Variants in C6orf132 observed in about 807,000 individuals in gnomAD.
C6orf132 encodes the protein chromosome 6 open reading frame 132, also known as uncharacterized protein C6orf132.
In C6orf132, 43 loss-of-function variants were observed where a neutral mutation model predicts 65.3. The ratio of observed to expected loss-of-function variants is 0.66; its 90% confidence interval spans 0.52 to 0.85. The LOEUF (loss-of-function observed/expected upper bound fraction) is 0.85, where lower values mean the gene tolerates loss of function less well. C6orf132 is among the 40% of genes least tolerant of loss of function. The probability of loss-of-function intolerance (pLI) is 0.00; values close to 1 mark genes in which losing one functional copy is unlikely to be tolerated. For missense variants in C6orf132, 1,488 were observed against 1,548.8 expected (o/e 0.96, Z 0.66); for synonymous variants, 631 against 654.1 (o/e 0.96, Z 0.54).
Position 42,103,762 on chromosome 6 carries a change from CA to C in C6orf132, c.3565del (p.Ter1189GlufsTer36). The C allele has an allele frequency of 7.1e-7, 1 of 1,406,226 alleles. No homozygotes were observed. The allele number at this position is 1,406,226 out of a possible 1,614,324, so 87.1% of individuals were successfully genotyped here. A position where few individuals can be genotyped will look rare whatever the true frequency, so the allele number is the denominator to read the frequency against. ...CSGAHRKATS[*>X] ...AGTAGAGCTAAGAGAACCCCTGGCT[CA>C]GGAGGTGGCTTTCCGATGGGCCCCT... On this transcript the variant is annotated frameshift_variant and stop_lost, in exon 5 of 5. Transcript: ENST00000341865. LOFTEE classifies it high-confidence loss of function.
At chr6:42,141,685 C>T (rs368368319) in intron 1 of C6orf132, among the ~76,000 whole-genome samples, 3 of 152,168 alleles carry the variant, frequency 2.0e-5, no homozygotes, top group Non-Finnish European at 2.9e-5. Context: ...CTGGCAGGAG[C>T]CTGTGGCCCC....
intron 1 of C6orf132, among the ~76,000 whole-genome samples, chr6:42,138,881 A>ACACACACACACT (rs1485745834): frequency 4.0e-5 from 6 of 150,644 alleles, no homozygotes; most frequent in Non-Finnish European, 8.9e-5. Context: ...ACACACACAC[A>ACACACACACACT]CTCGTGTGGC....
At chr6:42,118,235 C>T (rs2127475972) in intron 2 of C6orf132, among the ~76,000 whole-genome samples, 1 of 152,254 alleles carries the variant, frequency 6.6e-6, no homozygotes, top group South Asian at 2.1e-4. Flanking sequence ...CCTCTGACTC[C>T]AGAGATGCCA....
chr6:42,133,566 C>G (rs1766889686), intron 1 of C6orf132, among the ~76,000 whole-genome samples: 1 of 152,130 alleles, frequency 6.6e-6, no homozygotes, highest in South Asian at 2.1e-4. Context: ...TGTGAGACCC[C>G]AGCAGCAGGT....
chr6:42,137,409 A>G lies in C6orf132; in HGVS notation c.145+4891T>C, dbSNP rs555929201. 7.2e-5 allele frequency among the ~76,000 whole-genome samples: 11 copies of G among 152,262 alleles called. No individual in the cohort carries two copies. In the South Asian group the frequency reaches 1.7e-3, roughly 23 times the overall value. ...GGAACAGGAGTAAACAAAAGTTGGT[A>G]GGCTGGTGCCAGCCTGGCCCTGGTT... On this transcript the variant is annotated intron_variant, in intron 1 of 4. Transcript: ENST00000341865.
At chr6:42,135,231 G>C (rs1321522230) in intron 1 of C6orf132, among the ~76,000 whole-genome samples, 1 of 152,208 alleles carries the variant, frequency 6.6e-6, no homozygotes, top group Non-Finnish European at 1.5e-5. Context: ...CTGATGCCTG[G>C]GGCTGAATAG....
At chr6:42,109,530 A>G (rs1298233179) in intron 3 of C6orf132, among the ~76,000 whole-genome samples, 1 of 152,174 alleles carries the variant, frequency 6.6e-6, no homozygotes, top group Non-Finnish European at 1.5e-5. Context: ...ACGGCCACAC[A>G]GATGCCTCGC....
intron 2 of C6orf132, among the ~76,000 whole-genome samples, chr6:42,115,635 G>A (rs1766554360): frequency 6.6e-6 from 1 of 152,184 alleles, no homozygotes; most frequent in Non-Finnish European, 1.5e-5. Context: ...GACAGAGCGA[G>A]ACTCCGTCTC....
At chr6:42,132,578 G>A (rs144224047) in intron 1 of C6orf132, among the ~76,000 whole-genome samples, 2,954 of 151,450 alleles carry the variant, frequency 0.02, 103 homozygotes, top group African/African-American at 0.067. Flanking sequence ...GGCTGGGCGC[G>A]GTGGCTCACA....
At position 42,106,037 on chromosome 6, in the gene C6orf132, C is replaced by T; in HGVS notation, c.1875G>A (p.Leu625=). 4.6e-6 allele frequency: 7 copies of T among 1,537,150 alleles called. No homozygotes were observed. The highest frequency in any genetic ancestry group is 6.1e-6 in the Non-Finnish European group (7 of 1,146,872). The part of the protein sequence containing the change: ...AKNLPPQSTT[L]LPTTSLQPKA... The stretch of plus-strand genomic sequence containing the variant: ...TGGGCTGGAGTGATGTAGTTGGCAG[C>T]AGGGTGGTGGATTGAGGTGGCAGAT... The change falls in exon 4 of 5, where the codon CTG becomes CTA. Residue 625 remains leucine (L), a synonymous_variant. Coordinates refer to ENST00000341865, the MANE Select transcript of C6orf132 (RefSeq NM_001164446.3).
At chr6:42,139,206 C>T (rs1312044512) in intron 1 of C6orf132, among the ~76,000 whole-genome samples, 2 of 152,180 alleles carry the variant, frequency 1.3e-5, no homozygotes, top group East Asian at 1.9e-4. Context: ...AGCATCTCAC[C>T]CCAGGCTTGA....
At chr6:42,131,303 G>GT (rs1766849603) in intron 1 of C6orf132, among the ~76,000 whole-genome samples, 1 of 152,242 alleles carries the variant, frequency 6.6e-6, no homozygotes, top group Non-Finnish European at 1.5e-5. Context: ...TTACAGGTGT[G>GT]TACCACGCGC....
chr6:42,116,496 C>T (rs1268426506), intron 2 of C6orf132, among the ~76,000 whole-genome samples: 1 of 152,104 alleles, frequency 6.6e-6, no homozygotes, highest in Non-Finnish European at 1.5e-5. Flanking sequence ...CCTCACCATC[C>T]CTCACCCAGA....
chr6:42,113,552 C>G (rs923465914), intron 2 of C6orf132, among the ~76,000 whole-genome samples: 1 of 152,172 alleles, frequency 6.6e-6, no homozygotes, highest in Non-Finnish European at 1.5e-5. Flanking sequence ...TGGTGGCTCA[C>G]GCCTGTAATC....
At chr6:42,138,877 A>ACACACACACG (rs1158043144) in intron 1 of C6orf132, among the ~76,000 whole-genome samples, 1 of 151,736 alleles carries the variant, frequency 6.6e-6, no homozygotes, top group Non-Finnish European at 1.5e-5. Flanking sequence ...ACACACACAC[A>ACACACACACG]CACACTCGTG....
At chr6:42,139,181 G>A (rs1237207606) in intron 1 of C6orf132, among the ~76,000 whole-genome samples, 2 of 152,128 alleles carry the variant, frequency 1.3e-5, no homozygotes. Flanking sequence ...TGTTCTCTAA[G>A]GGCTGGATAT....
intron 2 of C6orf132, among the ~76,000 whole-genome samples, chr6:42,115,546 T>C (rs1275740295): frequency 2.0e-5 from 3 of 151,568 alleles, no homozygotes; most frequent in Admixed American, 1.3e-4. Context: ...CTCGGGAGGC[T>C]GAGGCAGGAG....
In C6orf132 at chr6:42,105,816, G is replaced by A. The variant is rs991315068; in HGVS notation, c.2096C>T (p.Pro699Leu). 2.7e-5 allele frequency: 41 copies of A among 1,537,194 alleles called. No individual in the cohort carries two copies. Among genetic ancestry groups the A allele is most frequent in the Admixed American group, 1.2e-4 (6 of 50,982 alleles). The change falls in exon 4 of 5, where the codon CCC becomes CTC. Residue 699 changes from proline (P) to leucine (L), a missense_variant. Pro to Leu is a moderately conservative substitution (Grantham distance 98). Transcript: ENST00000341865. ...TGCCATCAGTTGGGATGTGGTGGTG[G>A]GCAGAGTTGTGGCTGTAGATGCTAT... ...PAIASTATTL[P>L]TTTSQLMAEK...
In C6orf132 at chr6:42,105,573, C is replaced by T. The variant is rs1040769614; in HGVS notation, c.2339G>A (p.Arg780His). The T allele has an allele frequency of 1.9e-5, 29 of 1,536,622 alleles. No homozygotes were observed. In the African/African-American group the frequency reaches 2.7e-4, roughly 15 times the overall value. The change falls in exon 4 of 5, where the codon CGT becomes CAT. Residue 780 changes from arginine to histidine, a missense_variant. By Grantham distance (29) the Arg-to-His change is conservative (BLOSUM62 0). Transcript: ENST00000341865. The part of the protein sequence containing the change: ...KPHCHQSSLS[R>H]EVAVVMPTLA... ...GGTGGGCATCACCACAGCAACCTCA[C>T]GGCTGAGGCTGCTCTGGTGGCAGTG...
Sources: gnomAD v4.1 joint callset for allele counts (sites outside exome capture counted in the v4.1 genomes callset) on GRCh38, gnomAD v4.1.1 for gene constraint, MANE v1.5 for transcripts, NCBI Gene and HGNC (gene_info 2026-07-23, HGNC 2026-07-21) for gene names.